Variants in KBTBD2 observed in about 807,000 individuals in gnomAD.
KBTBD2 encodes kelch repeat and BTB domain-containing protein 2.
Under a neutral mutation model 57.1 loss-of-function variants are expected in KBTBD2, and 17 were observed. That is an observed-to-expected ratio of 0.30 (90% CI 0.20 to 0.45). The LOEUF is 0.45. KBTBD2 is among the 20% of genes least tolerant of loss of function. The probability of loss-of-function intolerance (pLI) is 1.00; values close to 1 mark genes in which losing one functional copy is unlikely to be tolerated. For synonymous variants in KBTBD2, 267 were observed against 262.7 expected (o/e 1.02, Z -0.16); for missense variants, 515 against 750.6 (o/e 0.69, Z 3.67).
intron 1 of KBTBD2, among the ~76,000 whole-genome samples, chr7:32,881,084 G>A (rs1259116427): frequency 1.5e-5 from 2 of 137,130 alleles, no homozygotes; most frequent in East Asian, 2.1e-4. Context: ...CTGGGTGACA[G>A]AGCAAGACAC....
intron 1 of KBTBD2, among the ~76,000 whole-genome samples, chr7:32,881,773 T>C (rs1177250801): frequency 3.9e-5 from 6 of 152,202 alleles, no homozygotes; most frequent in East Asian, 1.9e-4. Flanking sequence ...CAGCAAGGCA[T>C]AGTGTTGTTG....
At position 32,868,910 on chromosome 7, in the gene KBTBD2, G is replaced by C. The variant is rs187864463; in HGVS notation, c.*435C>G. 221 of 159,210 alleles carry C rather than the reference G, an allele frequency of 1.4e-3. 2 individuals carry two copies. Among genetic ancestry groups the C allele is most frequent in the African/African-American group, 4.9e-3 (203 of 41,606 alleles). 9.9% of individuals were successfully genotyped at this position (159,210 alleles called of 1,614,324 possible). ...ACGGACATTAGTGTTAAGTGCAGTTGAATTAATTACACTGAAAACTGTATT... is the reference window on the plus strand; with the variant it reads ...ACGGACATTAGTGTTAAGTGCAGTTCAATTAATTACACTGAAAACTGTATT... On this transcript the variant is annotated 3_prime_UTR_variant, in exon 4 of 4. Coordinates refer to ENST00000304056, the MANE Select transcript of KBTBD2 (RefSeq NM_015483.3).
chr7:32,890,965 G>A (rs1001246747), intron 1 of KBTBD2: 4 of 152,252 alleles, frequency 2.6e-5, no homozygotes, highest in Non-Finnish European at 4.4e-5. Context: ...ATTTCACAAA[G>A]TAAACACGTA....
chr7:32,889,673 C>A (rs1473820817), intron 1 of KBTBD2, among the ~76,000 whole-genome samples: 1 of 151,950 alleles, frequency 6.6e-6, no homozygotes, highest in East Asian at 1.9e-4. Context: ...TATTCAAACT[C>A]TACAAAACTG....
At chr7:32,880,429 T>C (rs1396806343) in intron 1 of KBTBD2, among the ~76,000 whole-genome samples, 4 of 152,134 alleles carry the variant, frequency 2.6e-5, no homozygotes, top group East Asian at 3.8e-4. Flanking sequence ...ATACGGTAAA[T>C]AGATTCAAAC....
At chr7:32,877,313 G>A (rs775718619) in intron 2 of KBTBD2, among the ~76,000 whole-genome samples, 14 of 152,126 alleles carry the variant, frequency 9.2e-5, no homozygotes, top group African/African-American at 2.7e-4. Flanking sequence ...CAGCACTCCC[G>A]ACCAGAAACA....
chr7:32,872,500 G>T (rs1255504661), intron 3 of KBTBD2, among the ~76,000 whole-genome samples: 1 of 152,080 alleles, frequency 6.6e-6, no homozygotes, highest in African/African-American at 2.4e-5. Flanking sequence ...GGCAACATAA[G>T]ATCTTGTCTC....
At chr7:32,889,227 C>T (rs1310549080) in intron 1 of KBTBD2, among the ~76,000 whole-genome samples, 4 of 151,632 alleles carry the variant, frequency 2.6e-5, no homozygotes, top group African/African-American at 9.7e-5. Flanking sequence ...GGAGGCGGAG[C>T]TTGCAGTGAG....
chr7:32,880,058 T>C (rs1252407055), intron 1 of KBTBD2, 116 bp from the exon 2 acceptor site: 1 of 152,412 alleles, frequency 6.6e-6, no homozygotes, highest in Non-Finnish European at 1.5e-5. Context: ...ACTTTAGACA[T>C]TACCATAAAA....
intron 2 of KBTBD2, among the ~76,000 whole-genome samples, chr7:32,877,768 T>C (rs1192883743): frequency 6.6e-6 from 1 of 152,178 alleles, no homozygotes; most frequent in African/African-American, 2.4e-5. Flanking sequence ...TTAGGTATAA[T>C]ACACAGTTGT....
chr7:32,886,461 T>G (rs1174009031), intron 1 of KBTBD2, among the ~76,000 whole-genome samples: 1 of 152,192 alleles, frequency 6.6e-6, no homozygotes, highest in Admixed American at 6.5e-5. Context: ...CAATTCTACT[T>G]AAAAATCTGA....
Position 32,891,218 on chromosome 7 carries a change from C to A in KBTBD2, c.-339+318G>T, listed in dbSNP as rs1173646875. 2.0e-5 allele frequency: 3 copies of A among 150,696 alleles called. No individual in the cohort carries two copies. In the East Asian group the frequency reaches 5.9e-4, roughly 30 times the overall value. The allele number at this position is 150,696 out of a possible 1,614,324, so 9.3% of individuals were successfully genotyped here. On this transcript the variant is annotated intron_variant, in intron 1 of 3. Transcript: ENST00000304056. ...CGAGGCCAAGGCGCCGCCCGGGAGC[C>A]CCGCGGGCGCCGAGGCGCCCGGTGC...
rs118056137 is a variant in KBTBD2, at chr7:32,869,312, A to G, written c.*33T>C. 3.2e-4 allele frequency: 454 copies of G among 1,439,318 alleles called. 3 individuals are homozygous for G. The East Asian group carries it at 7.9e-3, about 25-fold the overall frequency. The allele number at this position is 1,439,318 out of a possible 1,614,324, so 89.2% of individuals were successfully genotyped here. On this transcript the variant is annotated 3_prime_UTR_variant, in exon 4 of 4. Transcript: ENST00000304056. ...TTTAGCAAAGAAAATGACAAAGCAC[A>G]TAACTCAGGCGTGCACTCCCTGAAC...
Position 32,883,739 on chromosome 7 carries a change from C to T in KBTBD2, c.-338-3797G>A, listed in dbSNP as rs1239355515. 2.0e-5 allele frequency among the ~76,000 whole-genome samples: 3 copies of T among 152,330 alleles called. No individual in the cohort carries two copies. In the East Asian group the frequency reaches 5.8e-4, roughly 29 times the overall value. On this transcript the variant is annotated intron_variant, in intron 1 of 3. Coordinates refer to ENST00000304056, the MANE Select transcript of KBTBD2 (RefSeq NM_015483.3). ...TTAATTTTCTTTTCTGAATGAATGG[C>T]TAAATTCCACAAATGTTTATTGAAT... is the stretch of plus-strand genomic sequence containing the variant.
At chr7:32,891,176 T>G (rs1434963325) in intron 1 of KBTBD2, 2 of 150,948 alleles carry the variant, frequency 1.3e-5, no homozygotes, top group Non-Finnish European at 3.0e-5. Context: ...TTTACTTCGG[T>G]AAGGGCGGGC....
intron 1 of KBTBD2, among the ~76,000 whole-genome samples, chr7:32,888,111 C>T (rs1784626490): frequency 6.6e-6 from 1 of 152,170 alleles, no homozygotes; most frequent in African/African-American, 2.4e-5. Context: ...TGGTATTTTA[C>T]ATAAGAGAAA....
intron 1 of KBTBD2, among the ~76,000 whole-genome samples, chr7:32,889,065 G>A (rs1339403655): frequency 6.6e-6 from 1 of 152,132 alleles, no homozygotes; most frequent in Non-Finnish European, 1.5e-5. Context: ...GTAAATCCCA[G>A]CACTTTGGGA....
At chr7:32,873,651 T>C (rs1784236663) in intron 3 of KBTBD2, among the ~76,000 whole-genome samples, 1 of 152,054 alleles carries the variant, frequency 6.6e-6, no homozygotes, top group Non-Finnish European at 1.5e-5. Flanking sequence ...GGAGAATCAC[T>C]TGAACCCAGG....
Position 32,869,433 on chromosome 7 carries a change from G to A in KBTBD2, c.1784C>T (p.Pro595Leu), listed in dbSNP as rs1156335701. 1.9e-6 allele frequency: 3 copies of A among 1,614,008 alleles called. No individual in the cohort carries two copies. The highest frequency in any genetic ancestry group is 2.5e-6 in the Non-Finnish European group (3 of 1,180,004). ...KLYPSCLEESPWKPPTYLFST... is the reference protein window; with the variant it reads ...KLYPSCLEESLWKPPTYLFST... ...AAAAAGATAAGTTGGTGGTTTCCAT[G>A]GAGACTCTTCAAGGCAGGATGGATA... Residue 595 changes from proline (P) to leucine (L), a missense_variant, in exon 4 of 4, where the codon CCA becomes CTA. Coordinates refer to ENST00000304056, the MANE Select transcript of KBTBD2 (RefSeq NM_015483.3).
Sources: allele counts gnomAD v4.1 joint callset (sites outside exome capture counted in the v4.1 genomes callset), GRCh38; gene constraint gnomAD v4.1.1; transcripts MANE v1.5; gene names NCBI Gene and HGNC (gene_info 2026-07-23, HGNC 2026-07-21).